The following CTIF variants were observed in gnomAD, a reference collection of about 807,000 sequenced individuals.
CTIF encodes the protein cap binding complex dependent translation initiation factor, also known as CBP80/20-dependent translation initiation factor.
CTIF carries 21 observed loss-of-function variants against 66.0 expected under a neutral mutation model. That is an observed-to-expected ratio of 0.32 (90% CI 0.23 to 0.46). The LOEUF is 0.46. Ranked by LOEUF, CTIF falls within the 20% of genes least tolerant of loss-of-function variation. The pLI, the probability that CTIF is intolerant of heterozygous loss-of-function variation, is 1.00. For missense variants in CTIF, 739 were observed against 812.7 expected (o/e 0.91, Z 1.10); for synonymous variants, 345 against 326.4 (o/e 1.06, Z -0.62).
rs1598809288 is a variant in CTIF, at chr18:48,653,609, G to A, written c.253-10143G>A. Reference sequence around the variant, plus strand: ...CAAGCTACCAATGACTTTCTTCACAGAATTGGAAAAAACTACTTTAAAGTT... The same window carrying A: ...CAAGCTACCAATGACTTTCTTCACAAAATTGGAAAAAACTACTTTAAAGTT... On this transcript the variant is annotated intron_variant, in intron 3 of 11. Coordinates refer to ENST00000256413, the MANE Select transcript of CTIF (RefSeq NM_014772.3). Among the ~76,000 whole-genome samples, 4 of 152,260 alleles carry A rather than the reference G, an allele frequency of 2.6e-5. No homozygotes were observed. In the East Asian group the frequency reaches 5.8e-4, roughly 22 times the overall value.
chr18:48,716,979 C>T (rs995106145), intron 7 of CTIF, among the ~76,000 whole-genome samples: 2 of 152,214 alleles, frequency 1.3e-5, no homozygotes, highest in Non-Finnish European at 2.9e-5. Context: ...GAGCCATCCA[C>T]CTGGCGTGCG....
chr18:48,804,284 G>A (rs990322629), intron 9 of CTIF, among the ~76,000 whole-genome samples: 6 of 152,174 alleles, frequency 3.9e-5, no homozygotes, highest in African/African-American at 7.2e-5. Flanking sequence ...CATGGTCCCC[G>A]TCTCCCTCCA....
chr18:48,858,167 T>C (rs1599178000), intron 11 of CTIF, among the ~76,000 whole-genome samples: 2 of 152,252 alleles, frequency 1.3e-5, no homozygotes, highest in Non-Finnish European at 1.5e-5. Flanking sequence ...CCTCTGCAGA[T>C]GGTCCAGAGT....
intron 1 of CTIF, among the ~76,000 whole-genome samples, chr18:48,611,467 G>C (rs1389234970): frequency 6.6e-6 from 1 of 152,368 alleles, no homozygotes; most frequent in East Asian, 1.9e-4. Context: ...AGTTTGGCCT[G>C]GGGACTCCAC....
intron 1 of CTIF, 74 bp from the exon 2 acceptor site, chr18:48,619,464 G>C: frequency 1.1e-6 from 1 of 928,390 alleles, no homozygotes; most frequent in Non-Finnish European, 1.5e-6. Context: ...GGAGCAGAGG[G>C]TGTTTCTCAG....
chr18:48,834,960 A>G (rs1171213229), intron 10 of CTIF, among the ~76,000 whole-genome samples: 8 of 152,204 alleles, frequency 5.3e-5, no homozygotes, highest in Non-Finnish European at 1.2e-4. Context: ...TGCGCTTTAG[A>G]GGAACTCCCT....
chr18:48,749,714 C>T (rs539838702), intron 7 of CTIF, among the ~76,000 whole-genome samples: 2 of 152,352 alleles, frequency 1.3e-5, no homozygotes, highest in South Asian at 4.1e-4. Flanking sequence ...AGCTAAGGCA[C>T]AGAGCAGTTA....
At chr18:48,680,197 T>C (rs1396976411) in intron 6 of CTIF, among the ~76,000 whole-genome samples, 1 of 152,240 alleles carries the variant, frequency 6.6e-6, no homozygotes, top group Non-Finnish European at 1.5e-5. Flanking sequence ...GGACAAAGGC[T>C]AGAGCCCTTT....
chr18:48,675,061 A>AGGG (rs2091603160), intron 6 of CTIF, among the ~76,000 whole-genome samples: 1 of 4,398 alleles, frequency 2.3e-4, no homozygotes, highest in African/African-American at 8.5e-4. Flanking sequence ...GCGGGGGTGG[A>AGGG]GTGGGTGGGA....
chr18:48,586,845 C>G (rs933452364), intron 1 of CTIF, among the ~76,000 whole-genome samples: 5 of 152,076 alleles, frequency 3.3e-5, no homozygotes, highest in Non-Finnish European at 7.4e-5. Context: ...CACTCCAAAG[C>G]GGTATCAGGC....
intron 1 of CTIF, chr18:48,566,103 G>A (rs17828645): frequency 0.073 from 11,128 of 152,300 alleles, 494 homozygotes; most frequent in South Asian, 0.12. Context: ...TACAGTCCCC[G>A]GCTGGCTGCA....
At chr18:48,640,810 T>G (rs548854773) in intron 3 of CTIF, among the ~76,000 whole-genome samples, 1 of 152,248 alleles carries the variant, frequency 6.6e-6, no homozygotes, top group Admixed American at 6.5e-5. Flanking sequence ...CCAGCAGGCT[T>G]CCAGCCTCAT....
At position 48,761,665 on chromosome 18, in the gene CTIF, G is replaced by C. The variant is rs755736128; in HGVS notation, c.1347G>C (p.Arg449=). 2.6e-5 allele frequency: 42 copies of C among 1,611,426 alleles called. No individual in the cohort carries two copies. The highest frequency in any genetic ancestry group is 1.0e-4 in the Admixed American group (6 of 59,986). The change falls in exon 9 of 12, where the codon CGG becomes CGC. Residue 449 remains arginine, a synonymous_variant. Transcript: ENST00000256413. The surrounding 1 kb of genome is among the most constrained non-coding windows in gnomAD (Gnocchi z 4.2). The stretch of plus-strand genomic sequence containing the variant: ...TTATGGTGGAGGGGACCAAGTTCCG[G>C]AGCCTGCTCCTCAACATGCTGCAGG... ...ALFMVEGTKF[R]SLLLNMLQKD...
chr18:48,750,525 C>T (rs1907697813), intron 7 of CTIF, among the ~76,000 whole-genome samples: 1 of 152,268 alleles, frequency 6.6e-6, no homozygotes, highest in Admixed American at 6.5e-5. Flanking sequence ...AAAACAATCC[C>T]CGAGCCCTGC....
chr18:48,727,858 T>C (rs901088112), intron 7 of CTIF, among the ~76,000 whole-genome samples: 11 of 152,216 alleles, frequency 7.2e-5, no homozygotes, highest in African/African-American at 2.7e-4. Flanking sequence ...TGAGAGTGCC[T>C]GGATTTGATC....
chr18:48,759,298 T>A (rs1908724983), intron 8 of CTIF, among the ~76,000 whole-genome samples: 1 of 152,194 alleles, frequency 6.6e-6, no homozygotes. Flanking sequence ...AGAGGCTTCC[T>A]CCTGGGGCTT....
chr18:48,635,723 A>G (rs1014744084), intron 2 of CTIF, among the ~76,000 whole-genome samples: 5 of 152,208 alleles, frequency 3.3e-5, no homozygotes, highest in Admixed American at 3.3e-4. Context: ...TAAAAACACT[A>G]TCATATACCT....
intron 1 of CTIF, among the ~76,000 whole-genome samples, chr18:48,607,071 TTGA>T (rs1251259987): frequency 2.0e-5 from 3 of 150,370 alleles, no homozygotes; most frequent in African/African-American, 7.3e-5. Context: ...GAATACAATA[TTGA>T]TGATTTGCTT....
At chr18:48,778,820 T>G (rs1255501865) in intron 9 of CTIF, among the ~76,000 whole-genome samples, 2 of 152,130 alleles carry the variant, frequency 1.3e-5, no homozygotes, top group Admixed American at 6.5e-5. Context: ...CTGGGGGCAT[T>G]CTCACTAGCA....
Sources: allele counts gnomAD v4.1 joint callset (sites outside exome capture counted in the v4.1 genomes callset), GRCh38; gene constraint gnomAD v4.1.1; non-coding constraint Gnocchi (gnomAD v3.1); transcripts MANE v1.5; gene names NCBI Gene and HGNC (gene_info 2026-07-23, HGNC 2026-07-21).